TCF20: variants seen among roughly 807,000 people sequenced by gnomAD.
TCF20 encodes transcription factor 20, also known as SPRE-binding protein.
Under a neutral mutation model 148.6 loss-of-function variants are expected in TCF20, and 3 were observed. That is an observed-to-expected ratio of 0.02 (90% confidence interval 0.01 to 0.05). The LOEUF is 0.05. TCF20 is among the 10% of genes least tolerant of loss of function. TCF20 has a pLI of 1.00. For missense variants in TCF20, 2,350 were observed against 2,429.3 expected (o/e 0.97, Z 0.69); for synonymous variants, 1,049 against 909.5 (o/e 1.15, Z -2.76).
chr22:42,240,073 C>T (rs1471992979), intron 1 of TCF20, among the ~76,000 whole-genome samples: 4 of 152,190 alleles, frequency 2.6e-5, no homozygotes, highest in African/African-American at 9.7e-5. Flanking sequence ...CTAATCATTA[C>T]TGTAAGTCTG....
At chr22:42,198,785 C>T (rs1937767780) in intron 2 of TCF20, among the ~76,000 whole-genome samples, 1 of 151,880 alleles carries the variant, frequency 6.6e-6, no homozygotes. Context: ...CCTCAGCCTC[C>T]CGAGTAGCTG....
At chr22:42,334,894 C>G (rs1471587559) in intron 1 of TCF20, among the ~76,000 whole-genome samples, 3 of 152,140 alleles carry the variant, frequency 2.0e-5, no homozygotes, top group African/African-American at 7.2e-5. Flanking sequence ...GGAAGGGAAC[C>G]TTGCTCTGGA....
At chr22:42,184,689 G>A (rs1421999532) in intron 2 of TCF20, among the ~76,000 whole-genome samples, 1 of 152,086 alleles carries the variant, frequency 6.6e-6, no homozygotes, top group Non-Finnish European at 1.5e-5. Context: ...GGGGCTCCAA[G>A]CATGATTTCT....
At chr22:42,301,316 G>T (rs897746548) in intron 1 of TCF20, among the ~76,000 whole-genome samples, 1 of 152,192 alleles carries the variant, frequency 6.6e-6, no homozygotes, top group Non-Finnish European at 1.5e-5. Context: ...CTTACTCTGT[G>T]CCACGCCCCA....
At chr22:42,192,264 T>C (rs933378102) in intron 2 of TCF20, among the ~76,000 whole-genome samples, 1 of 152,206 alleles carries the variant, frequency 6.6e-6, no homozygotes, top group Non-Finnish European at 1.5e-5. Flanking sequence ...GCTGCCACAA[T>C]AGGACTCCCT....
rs759629617 is a variant in TCF20 at position 42,209,678 on chromosome 22, C to T, written c.5628G>A (p.Gln1876=). The change falls in exon 2 of 6, where the codon CAG becomes CAA. Residue 1876 remains glutamine, a synonymous_variant. Transcript: ENST00000677622. ...TCTCTCTGGCTATTTCCAGCGCTTC[C>T]TGCAGGCCATAGAGCCTGCCACAAA... is the stretch of plus-strand genomic sequence containing the variant. ...YLVCGRLYGL[Q]EALEIAREMK... is the part of the protein sequence containing the mutation. 20 of 1,612,764 alleles carry T rather than the reference C, an allele frequency of 1.2e-5. No individual in the cohort carries two copies. Among genetic ancestry groups the T allele is most frequent in the Non-Finnish European group, 1.6e-5 (19 of 1,179,412 alleles).
upstream of TCF20, among the ~76,000 whole-genome samples, chr22:42,286,821 A>G (rs571079090): frequency 2.0e-5 from 3 of 152,224 alleles, no homozygotes; most frequent in Non-Finnish European, 2.9e-5. Context: ...GCCTCCTCGT[A>G]CCAGGCCAGG....
chr22:42,199,305 G>C (rs764580002), intron 2 of TCF20, among the ~76,000 whole-genome samples: 1 of 152,004 alleles, frequency 6.6e-6, no homozygotes, highest in African/African-American at 2.4e-5. Flanking sequence ...CTTTTCCCAT[G>C]TTTCTTGCTC....
intron 2 of TCF20, among the ~76,000 whole-genome samples, chr22:42,207,832 T>C (rs1460288274): frequency 6.7e-6 from 1 of 149,168 alleles, no homozygotes; most frequent in African/African-American, 2.5e-5. Context: ...GAAAAAAAAA[T>C]CAAGACATCT....
At chr22:42,176,044 C>T (rs966985346) in intron 3 of TCF20, among the ~76,000 whole-genome samples, 3 of 152,160 alleles carry the variant, frequency 2.0e-5, no homozygotes, top group African/African-American at 7.2e-5. Context: ...AATCCTCCCA[C>T]CTCAGCCTCC....
rs1473611018 is a variant in TCF20 at position 42,322,337 on chromosome 22, C to T, written c.-37+21142G>A. On this transcript the variant is annotated intron_variant, in intron 1 of 1. Coordinates refer to the TCF20 transcript ENST00000515426. ...TGAGCCCAGCATGCACCATAAGGGC[C>T]TTTCAGAGGCTGGCTGCCAATCTGG... Among the ~76,000 whole-genome samples, 2 of 151,818 alleles carry T rather than the reference C, an allele frequency of 1.3e-5. 1 individual carries two copies. Among genetic ancestry groups the T allele is most frequent in the Non-Finnish European group, 2.9e-5 (2 of 67,854 alleles).
At chr22:42,306,806 A>G (rs1001105072) in intron 1 of TCF20, among the ~76,000 whole-genome samples, 1 of 152,152 alleles carries the variant, frequency 6.6e-6, no homozygotes, top group African/African-American at 2.4e-5. Context: ...TGGGAGGCCA[A>G]GGTGGGCGGA....
intron 1 of TCF20, among the ~76,000 whole-genome samples, chr22:42,251,490 G>GTTTT (rs1269590672): frequency 7.7e-5 from 6 of 77,444 alleles, no homozygotes; most frequent in African/African-American, 2.1e-4. Flanking sequence ...CCAAACAAGT[G>GTTTT]TCTTTTTTTT....
chr22:42,178,506 C>A (rs1163091127), intron 3 of TCF20, among the ~76,000 whole-genome samples: 1 of 149,180 alleles, frequency 6.7e-6, no homozygotes, highest in African/African-American at 2.5e-5. Context: ...GTGATGCTAT[C>A]AAGAAAAGAA....
chr22:42,224,146 C>T (rs1221313531), intron 1 of TCF20, among the ~76,000 whole-genome samples: 1 of 152,042 alleles, frequency 6.6e-6, no homozygotes, highest in Non-Finnish European at 1.5e-5. Context: ...CAAATACATG[C>T]AGGCAAAAAC....
rs181873011 is a variant in TCF20, at chr22:42,333,177, G to A, written c.-37+10302C>T. 1.0e-3 allele frequency among the ~76,000 whole-genome samples: 156 copies of A among 152,390 alleles called. 2 individuals carry two copies. Among genetic ancestry groups the A allele is most frequent in the Non-Finnish European group, 2.1e-3 (145 of 68,046 alleles). ...CCACTGTGCAGAGGCTTTAGAGGACGGTGCACCCAGTCTGTGTGCAGTGGC... is the reference window on the plus strand; with the variant it reads ...CCACTGTGCAGAGGCTTTAGAGGACAGTGCACCCAGTCTGTGTGCAGTGGC... On this transcript the variant is annotated intron_variant, in intron 1 of 1. Coordinates refer to the TCF20 transcript ENST00000515426.
At position 42,210,126 on chromosome 22, in the gene TCF20, T is replaced by C. The variant is rs1275443676; in HGVS notation, c.5180A>G (p.Gln1727Arg). 6.2e-7 allele frequency: 1 copy of C among 1,614,180 alleles called. No homozygotes were observed. Among genetic ancestry groups the C allele is most frequent in the Middle Eastern group, 1.6e-4 (1 of 6,062 alleles). ...MGDLFGPFYP[Q>R]DYAATLPKNP... ...CTTCGGGAGAGTGGCTGCATAATCT[T>C]GGGGATAAAAAGGTCCAAAGAGGTC... Residue 1727 changes from glutamine (Q) to arginine (R), a missense_variant, in exon 2 of 6, where the codon CAA becomes CGA. Physicochemically the swap from Gln to Arg is conservative, Grantham distance 43. Coordinates refer to ENST00000677622, the MANE Select transcript of TCF20 (RefSeq NM_001378418.1). This position sits in a 1 kb window ranked among gnomAD's most constrained non-coding sequence, Gnocchi z 4.7.
chr22:42,310,956 G>T lies in TCF20; in HGVS notation c.-37+32523C>A, dbSNP rs148728397. The stretch of plus-strand genomic sequence containing the variant: ...CTTGAGTTTAGCTCAGCTTCTGGCT[G>T]CATCTTGGATGACACTGGCTCATCA... On this transcript the variant is annotated intron_variant, in intron 1 of 1. Transcript: ENST00000515426. Among the ~76,000 whole-genome samples, 774 of 152,364 alleles carry T rather than the reference G, an allele frequency of 5.1e-3. 6 individuals are homozygous for T. The highest frequency in any genetic ancestry group is 0.02 in the Middle Eastern group (6 of 294).
At position 42,178,731 on chromosome 22, in the gene TCF20, C is replaced by T. The variant is rs191365868; in HGVS notation, c.5749+878G>A. Among the ~76,000 whole-genome samples the T allele has an allele frequency of 2.6e-3, 394 of 151,394 alleles. 3 individuals are homozygous for T. The highest frequency in any genetic ancestry group is 9.0e-3 in the African/African-American group (370 of 41,214). Reference sequence around the variant, plus strand: ...CCGAGTAGCTGGGACTATAGGTGCGCGTCACATCTGGCTAATTTTTGTAGT... The same window carrying T: ...CCGAGTAGCTGGGACTATAGGTGCGTGTCACATCTGGCTAATTTTTGTAGT... On this transcript the variant is annotated intron_variant, in intron 3 of 5. Coordinates refer to ENST00000677622, the MANE Select transcript of TCF20 (RefSeq NM_001378418.1).
Sources: gnomAD v4.1 joint callset for allele counts (sites outside exome capture counted in the v4.1 genomes callset) on GRCh38, gnomAD v4.1.1 for gene constraint, Gnocchi (gnomAD v3.1) non-coding constraint, MANE v1.5 for transcripts, NCBI Gene and HGNC (gene_info 2026-07-23, HGNC 2026-07-21) for gene names.